Variants in BRI3BP observed in about 807,000 individuals in gnomAD.
The protein encoded by BRI3BP is BRI3 binding protein, also known as BRI3-binding protein.
In BRI3BP, 7 loss-of-function variants were observed where a neutral mutation model predicts 15.8. The ratio of observed to expected loss-of-function variants is 0.44; its 90% CI spans 0.25 to 0.83. The LOEUF (loss-of-function observed/expected upper bound fraction) is 0.83, where lower values mean the gene tolerates loss of function less well. BRI3BP is among the 40% of genes least tolerant of loss of function. BRI3BP has a pLI of 0.20. For synonymous variants in BRI3BP, 192 were observed against 163.5 expected, an observed-to-expected ratio of 1.17 and a Z score of -1.33; for missense variants, 320 against 339.3, an observed-to-expected ratio of 0.94 and a Z score of 0.45.
downstream of BRI3BP, among the ~76,000 whole-genome samples, chr12:125,035,140 A>G (rs1402230082): frequency 1.3e-5 from 2 of 152,346 alleles, no homozygotes; most frequent in East Asian, 3.9e-4. Context: ...AAATAAAGCG[A>G]CTATGAACAC....
chr12:125,003,879 G>A (rs1019023339), intron 1 of BRI3BP, among the ~76,000 whole-genome samples: 3 of 151,930 alleles, frequency 2.0e-5, no homozygotes, highest in African/African-American at 7.3e-5. Flanking sequence ...CTTGAGCCCA[G>A]GAGGCGGAGG....
chr12:125,047,869 G>C, the BRI3BP span, among the ~76,000 whole-genome samples: 1 of 151,734 alleles, frequency 6.6e-6, no homozygotes, highest in South Asian at 2.1e-4. Context: ...GCTAATTTTT[G>C]TATTTTTAGT....
intron 1 of BRI3BP, among the ~76,000 whole-genome samples, chr12:125,010,093 C>A (rs1288739420): frequency 7.2e-6 from 1 of 139,206 alleles, no homozygotes; most frequent in African/African-American, 2.6e-5. Context: ...CAGAGTGAGA[C>A]CCTGTCTCAA....
chr12:124,999,708 C>T (rs1053605777), intron 1 of BRI3BP, among the ~76,000 whole-genome samples: 27 of 150,524 alleles, frequency 1.8e-4, no homozygotes, highest in African/African-American at 6.3e-4. Context: ...AGCTCCACCT[C>T]CTGGGTTCAT....
At chr12:125,020,355 G>A (rs142453327) in intron 2 of BRI3BP, among the ~76,000 whole-genome samples, 90 of 152,316 alleles carry the variant, frequency 5.9e-4, no homozygotes, top group African/African-American at 1.9e-3. Flanking sequence ...GCCTCACTGT[G>A]TCTCACATGA....
intron 1 of BRI3BP, among the ~76,000 whole-genome samples, chr12:124,995,310 G>A (rs992844036): frequency 2.6e-5 from 4 of 152,312 alleles, no homozygotes; most frequent in Non-Finnish European, 4.4e-5. Flanking sequence ...GGAGTCTGGC[G>A]CGGGAAAGGA....
At chr12:125,005,848 C>T (rs1310491763) in intron 1 of BRI3BP, among the ~76,000 whole-genome samples, 1 of 152,040 alleles carries the variant, frequency 6.6e-6, no homozygotes, top group African/African-American at 2.4e-5. Context: ...CTGGAACTGC[C>T]TCCAGGCTTT....
chr12:125,028,422 G>A lies in BRI3BP; in HGVS notation c.*2992G>A, dbSNP rs913978679. On this transcript the variant is annotated 3_prime_UTR_variant, in exon 3 of 3. Coordinates refer to ENST00000341446, the MANE Select transcript of BRI3BP (RefSeq NM_080626.6). Reference sequence around the variant, plus strand: ...TTTTAACTTGTATTCAACTGAGGGAGGTAACATGATATCTGGGTGCTGGTG... The same window carrying A: ...TTTTAACTTGTATTCAACTGAGGGAAGTAACATGATATCTGGGTGCTGGTG... 7 of 152,146 alleles carry A rather than the reference G, an allele frequency of 4.6e-5. No homozygotes were observed. The highest frequency in any genetic ancestry group is 8.8e-5 in the Non-Finnish European group (6 of 68,026). The allele number at this position is 152,146 out of a possible 1,614,324, so 9.4% of individuals were successfully genotyped here.
intron 1 of BRI3BP, among the ~76,000 whole-genome samples, chr12:125,003,723 C>T (rs894361789): frequency 1.4e-4 from 22 of 152,078 alleles, no homozygotes; most frequent in Non-Finnish European, 2.1e-4. Flanking sequence ...GAGGCCGAGG[C>T]GGGTGGGTCA....
intron 2 of BRI3BP, among the ~76,000 whole-genome samples, chr12:125,017,095 C>T (rs551801764): frequency 6.6e-6 from 1 of 151,804 alleles, no homozygotes; most frequent in South Asian, 2.1e-4. Context: ...CATCTCACCA[C>T]TGCAACCTCC....
At chr12:125,001,825 A>G (rs1020668323) in intron 1 of BRI3BP, among the ~76,000 whole-genome samples, 2 of 152,024 alleles carry the variant, frequency 1.3e-5, no homozygotes, top group African/African-American at 4.8e-5. Flanking sequence ...AGCTGTCACT[A>G]CAGTCAGTTT....
intron 1 of BRI3BP, among the ~76,000 whole-genome samples, chr12:125,005,700 G>A (rs1955136355): frequency 6.6e-6 from 1 of 152,000 alleles, no homozygotes; most frequent in African/African-American, 2.4e-5. Context: ...GAACCCGTGG[G>A]GTGGGGAGCG....
intron 1 of BRI3BP, among the ~76,000 whole-genome samples, chr12:124,999,194 C>G (rs1249159528): frequency 6.6e-6 from 1 of 152,244 alleles, no homozygotes; most frequent in African/African-American, 2.4e-5. Context: ...AATGCCAGGT[C>G]GAGAAACTAG....
downstream of BRI3BP, among the ~76,000 whole-genome samples, chr12:125,034,594 T>C (rs1955429303): frequency 6.6e-6 from 1 of 151,938 alleles, no homozygotes; most frequent in African/African-American, 2.4e-5. Context: ...TTTGTATTTT[T>C]TTTTTTTGGG....
chr12:125,008,184 TG>T (rs1955163263), intron 1 of BRI3BP, among the ~76,000 whole-genome samples: 1 of 152,024 alleles, frequency 6.6e-6, no homozygotes, highest in Non-Finnish European at 1.5e-5. Flanking sequence ...ATGGAATCTC[TG>T]GAAGACCTCT....
At chr12:124,999,512 C>T (rs1239150055) in intron 1 of BRI3BP, among the ~76,000 whole-genome samples, 1 of 152,138 alleles carries the variant, frequency 6.6e-6, no homozygotes, top group Non-Finnish European at 1.5e-5. Context: ...CAGTCTCTAC[C>T]TCCCGGGCTC....
intron 1 of BRI3BP, among the ~76,000 whole-genome samples, chr12:125,002,531 A>C (rs1382967667): frequency 8.9e-5 from 13 of 146,874 alleles, no homozygotes; most frequent in Non-Finnish European, 1.8e-4. Flanking sequence ...ATCTCTGCTC[A>C]CTGCAACCTC....
At chr12:125,000,457 A>G (rs12315006) in intron 1 of BRI3BP, among the ~76,000 whole-genome samples, 9,138 of 150,996 alleles carry the variant, frequency 0.061, 438 homozygotes, top group Admixed American at 0.14. Context: ...GGGACTACAG[A>G]CGCCCACCAC....
At chr12:125,035,394 C>CTT (rs55943185), downstream of BRI3BP, among the ~76,000 whole-genome samples, 375 of 131,926 alleles carry the variant, frequency 2.8e-3, 4 homozygotes, top group African/African-American at 9.7e-3. Context: ...TAGGTATTGT[C>CTT]TTTTTTTTTT....
Sources: allele counts gnomAD v4.1 joint callset (sites outside exome capture counted in the v4.1 genomes callset), GRCh38; gene constraint gnomAD v4.1.1; transcripts MANE v1.5; gene names NCBI Gene and HGNC (gene_info 2026-07-23, HGNC 2026-07-21).